The following ME1 variants were observed in gnomAD, a reference collection of about 807,000 sequenced individuals.
The protein encoded by ME1 is NADP-dependent malic enzyme.
ME1 carries 74 observed loss-of-function variants against 66.4 expected under a neutral mutation model. The observed-to-expected ratio is 1.11, with a 90% confidence interval of 0.92 to 1.35. The LOEUF is 1.35. ME1 is among the 40% of genes most tolerant of loss of function. The pLI is 0.00. For missense variants in ME1, 750 were observed against 694.1 expected (o/e 1.08, Z -0.90); for synonymous variants, 251 against 235.6 (o/e 1.07, Z -0.60).
chr6:83,220,163 A>T (rs1790064161), intron 12 of ME1, among the ~76,000 whole-genome samples: 1 of 152,226 alleles, frequency 6.6e-6, no homozygotes, highest in South Asian at 2.1e-4. Context: ...GATTGGAGAC[A>T]GTCACAGGAT....
chr6:83,398,474 G>C lies in ME1; in HGVS notation c.255C>G (p.Leu85=), dbSNP rs1236261748. The C allele has an allele frequency of 3.2e-6, 5 of 1,582,188 alleles. No individual in the cohort carries two copies. The highest frequency in any genetic ancestry group is 4.3e-6 in the Non-Finnish European group (5 of 1,160,004). ...LMDLQDRNEK[L]FYRVLTSDIE... ...TGTCAGATGTCAGCACTCTATAAAA[G>C]AGTTTTTCATTTCTATCTTGGAGAT... Residue 85 remains leucine (L), a synonymous_variant, in exon 3 of 14, where the codon CTC becomes CTG. Coordinates refer to ENST00000369705, the MANE Select transcript of ME1 (RefSeq NM_002395.6).
chr6:83,215,822 C>G (rs976666674), intron 13 of ME1, among the ~76,000 whole-genome samples: 1 of 152,224 alleles, frequency 6.6e-6, no homozygotes, highest in South Asian at 2.1e-4. Flanking sequence ...GCCACACAGT[C>G]TGTGGCTTGA....
At chr6:83,233,891 T>C (rs1176365005) in intron 9 of ME1, among the ~76,000 whole-genome samples, 7 of 152,034 alleles carry the variant, frequency 4.6e-5, no homozygotes, top group African/African-American at 1.4e-4. Flanking sequence ...ATTTTGACTG[T>C]TTAAAAGCAT....
At chr6:83,312,953 C>T (rs571174697) in intron 6 of ME1, among the ~76,000 whole-genome samples, 4 of 152,068 alleles carry the variant, frequency 2.6e-5, no homozygotes, top group African/African-American at 4.8e-5. Flanking sequence ...GACAGGGTTT[C>T]GCCATGCTGG....
At chr6:83,412,611 TAGTAA>T (rs1770073355) in intron 1 of ME1, among the ~76,000 whole-genome samples, 1 of 152,182 alleles carries the variant, frequency 6.6e-6, no homozygotes, top group Admixed American at 6.5e-5. Flanking sequence ...GTCCTTCAAC[TAGTAA>T]ATGGATAAAA....
chr6:83,216,931 A>T (rs1367191758), intron 12 of ME1, among the ~76,000 whole-genome samples: 1 of 152,218 alleles, frequency 6.6e-6, no homozygotes, highest in Non-Finnish European at 1.5e-5. Flanking sequence ...AAAGAGGAAG[A>T]TGATAGAGTA....
intron 3 of ME1, chr6:83,392,774 T>C: frequency 2.9e-6 from 2 of 680,668 alleles, no homozygotes; most frequent in Non-Finnish European, 5.4e-6. Context: ...AAAACGGTCA[T>C]CATCTCTGCA....
At chr6:83,327,025 T>C (rs535651204) in intron 5 of ME1, among the ~76,000 whole-genome samples, 1 of 152,322 alleles carries the variant, frequency 6.6e-6, no homozygotes, top group South Asian at 2.1e-4. Flanking sequence ...TTATAATTTC[T>C]TATGCCTGTC....
At position 83,394,307 on chromosome 6, in the gene ME1, C is replaced by T. The variant is rs74454928; in HGVS notation, c.362+4060G>A. ...TCAGAACAGCTAGAAGAAGATAATCCGAATGTTTCTAGCATAAAGAAAAGA... is the reference window on the plus strand; with the variant it reads ...TCAGAACAGCTAGAAGAAGATAATCTGAATGTTTCTAGCATAAAGAAAAGA... On this transcript the variant is annotated intron_variant, in intron 3 of 13. Transcript: ENST00000369705. Among the ~76,000 whole-genome samples the T allele has an allele frequency of 3.6e-3, 552 of 151,874 alleles. 2 individuals are homozygous for T. The highest frequency in any genetic ancestry group is 0.013 in the African/African-American group (520 of 41,418).
chr6:83,299,680 G>A (rs1042161139), intron 6 of ME1, among the ~76,000 whole-genome samples: 7 of 152,156 alleles, frequency 4.6e-5, no homozygotes, highest in African/African-American at 1.7e-4. Context: ...ACTTGTGCCA[G>A]TTTTCAAGGG....
chr6:83,261,951 T>C (rs1583345912), intron 6 of ME1, among the ~76,000 whole-genome samples: 1 of 148,972 alleles, frequency 6.7e-6, no homozygotes, highest in African/African-American at 2.5e-5. Context: ...GTGGTGGAGG[T>C]TGCAGTGAGC....
chr6:83,306,509 T>C (rs1246700095), intron 6 of ME1, among the ~76,000 whole-genome samples: 1 of 152,088 alleles, frequency 6.6e-6, no homozygotes, highest in Non-Finnish European at 1.5e-5. Context: ...CAACAGGAAT[T>C]TATTAAAATG....
chr6:83,408,595 G>A (rs1769990652), intron 1 of ME1, among the ~76,000 whole-genome samples: 1 of 152,098 alleles, frequency 6.6e-6, no homozygotes, highest in African/African-American at 2.4e-5. Flanking sequence ...AACATTGATT[G>A]TATAAAACAA....
intron 3 of ME1, among the ~76,000 whole-genome samples, chr6:83,371,349 T>C (rs1201508765): frequency 6.6e-6 from 1 of 152,148 alleles, no homozygotes; most frequent in Non-Finnish European, 1.5e-5. Flanking sequence ...TGCAGATTAG[T>C]GTATCTAAAC....
intron 1 of ME1, among the ~76,000 whole-genome samples, chr6:83,419,333 G>A (rs765539802): frequency 6.6e-6 from 1 of 152,150 alleles, no homozygotes; most frequent in African/African-American, 2.4e-5. Flanking sequence ...GCAAATCATA[G>A]ATGGCTCAAC....
At chr6:83,213,145 G>A (rs551753209) in intron 13 of ME1, among the ~76,000 whole-genome samples, 1 of 151,188 alleles carries the variant, frequency 6.6e-6, no homozygotes, top group East Asian at 2.0e-4. Flanking sequence ...CGATTCTCTG[G>A]CTGGCACAGT....
rs761846823 is a variant in ME1 at position 83,253,698 on chromosome 6, T to C, written c.745A>G (p.Asn249Asp). The C allele has an allele frequency of 8.7e-6, 14 of 1,610,644 alleles. No individual in the cohort carries two copies. Among genetic ancestry groups the C allele is most frequent in the Non-Finnish European group, 1.2e-5 (14 of 1,177,484 alleles). ...TTCAGGAGACGAAATGCATTCACAT[T>C]GGCAAAATCTTCAAACTGAATAAGG... Reference protein sequence around the residue: ...NCLIQFEDFANVNAFRLLNKY... With the variant: ...NCLIQFEDFADVNAFRLLNKY... Residue 249 changes from asparagine to aspartate, a missense_variant, in exon 7 of 14, where the codon AAT becomes GAT. Physicochemically the swap from Asn to Asp is conservative, Grantham distance 23 (BLOSUM62 1). Transcript: ENST00000369705.
chr6:83,310,000 T>C (rs546746322), intron 6 of ME1, among the ~76,000 whole-genome samples: 14 of 152,226 alleles, frequency 9.2e-5, no homozygotes, highest in African/African-American at 1.2e-4. Flanking sequence ...CTAGGCCCAA[T>C]TGATAAATTT....
intron 5 of ME1, among the ~76,000 whole-genome samples, chr6:83,331,971 T>C (rs1289986803): frequency 6.6e-6 from 1 of 152,072 alleles, no homozygotes; most frequent in Non-Finnish European, 1.5e-5. Flanking sequence ...AGACATATAA[T>C]CAACATAATT....
Sources: gnomAD v4.1 joint callset for allele counts (sites outside exome capture counted in the v4.1 genomes callset) on GRCh38, gnomAD v4.1.1 for gene constraint, MANE v1.5 for transcripts, NCBI Gene and HGNC (gene_info 2026-07-23, HGNC 2026-07-21) for gene names.